PCED1B: variants seen among roughly 807,000 people sequenced by gnomAD.
PCED1B encodes the protein PC-esterase domain containing 1B.
For synonymous variants in PCED1B, 251 were observed against 246.1 expected (o/e 1.02, Z -0.19); for missense variants, 573 against 573.9 (o/e 1.00, Z 0.02).
At chr12:47,136,830 C>T (rs1181609943) in intron 2 of PCED1B, among the ~76,000 whole-genome samples, 3 of 152,076 alleles carry the variant, frequency 2.0e-5, no homozygotes, top group African/African-American at 4.8e-5. Flanking sequence ...TACTAGAAGA[C>T]AAGTCATAGT....
Position 47,191,647 on chromosome 12 carries a change from A to G in PCED1B, c.-525-24575A>G, listed in dbSNP as rs575561869. On this transcript the variant is annotated intron_variant, in intron 2 of 3. Coordinates refer to ENST00000546455, the MANE Select transcript of PCED1B (RefSeq NM_138371.3). ...CATCATCCAGCCTTTGCCCTAAAGC[A>G]GAGGTTTTCAGCCCAGGTTGCAAAA... Among the ~76,000 whole-genome samples the G allele has an allele frequency of 5.9e-5, 9 of 152,324 alleles. No individual in the cohort carries two copies. In the South Asian group the frequency reaches 1.5e-3, roughly 25 times the overall value.
chr12:47,223,706 G>A (rs375645933), intron 3 of PCED1B: 1 of 152,356 alleles, frequency 6.6e-6, no homozygotes, highest in Middle Eastern at 3.4e-3. Context: ...GGTGGGAAGC[G>A]GGGTGAGGAT....
intron 2 of PCED1B, among the ~76,000 whole-genome samples, chr12:47,205,699 G>A (rs544721517): frequency 6.6e-6 from 1 of 151,832 alleles, no homozygotes; most frequent in South Asian, 2.1e-4. Flanking sequence ...TGAATAGGAG[G>A]AAAGAAAGAG....
intron 2 of PCED1B, among the ~76,000 whole-genome samples, chr12:47,153,137 C>G (rs1164006858): frequency 1.3e-5 from 2 of 151,904 alleles, no homozygotes; most frequent in African/African-American, 4.8e-5. Flanking sequence ...ATCACGAGGT[C>G]AGGAGATCAA....
intron 3 of PCED1B, among the ~76,000 whole-genome samples, chr12:47,218,175 G>C (rs759895403): frequency 1.3e-5 from 2 of 152,232 alleles, no homozygotes; most frequent in Non-Finnish European, 2.9e-5. Context: ...GAGGAGAAGA[G>C]AGAAGCGAGA....
chr12:47,139,792 G>A lies in PCED1B; in HGVS notation c.-526+35597G>A, dbSNP rs1940522706. Among the ~76,000 whole-genome samples the A allele has an allele frequency of 2.0e-5, 3 of 152,152 alleles. No individual in the cohort carries two copies. In the South Asian group the frequency reaches 6.2e-4, roughly 32 times the overall value. The stretch of plus-strand genomic sequence containing the variant: ...GATATGTGTGCATATGCTATGGTGT[G>A]TGTGCTATGATGTGGCATGTGTATA... On this transcript the variant is annotated intron_variant, in intron 2 of 3. Coordinates refer to ENST00000546455, the MANE Select transcript of PCED1B (RefSeq NM_138371.3).
intron 1 of PCED1B, among the ~76,000 whole-genome samples, chr12:47,082,393 A>G (rs1218375910): frequency 1.3e-5 from 2 of 152,196 alleles, no homozygotes; most frequent in Non-Finnish European, 2.9e-5. Context: ...CTTAAAAAAA[A>G]GGAGAAGAAA....
At chr12:47,177,509 T>C (rs1420833009) in intron 2 of PCED1B, among the ~76,000 whole-genome samples, 1 of 152,126 alleles carries the variant, frequency 6.6e-6, no homozygotes, top group Non-Finnish European at 1.5e-5. Context: ...TCGTGACTGA[T>C]TAGAGGACAT....
chr12:47,223,496 G>A (rs1943547204), intron 3 of PCED1B: 1 of 152,136 alleles, frequency 6.6e-6, no homozygotes, highest in African/African-American at 2.4e-5. Flanking sequence ...TCCTGGAGGT[G>A]GAGTCAAAGA....
intron 2 of PCED1B, among the ~76,000 whole-genome samples, chr12:47,215,177 C>T (rs1943214063): frequency 6.6e-6 from 1 of 151,478 alleles, no homozygotes; most frequent in Non-Finnish European, 1.5e-5. Context: ...TATTCCTCTC[C>T]CCGAAATCAT....
intron 2 of PCED1B, among the ~76,000 whole-genome samples, chr12:47,107,071 T>A (rs1417055148): frequency 6.6e-6 from 1 of 152,214 alleles, no homozygotes; most frequent in Non-Finnish European, 1.5e-5. Context: ...TCTGATTTTC[T>A]TGGTTAATCT....
intron 2 of PCED1B, among the ~76,000 whole-genome samples, chr12:47,133,104 G>A (rs1327466610): frequency 6.6e-6 from 1 of 152,116 alleles, no homozygotes; most frequent in Non-Finnish European, 1.5e-5. Context: ...ATAAAATGAT[G>A]CAAAGTTAAT....
Position 47,155,756 on chromosome 12 carries a change from T to A in PCED1B, c.-526+51561T>A, listed in dbSNP as rs1941173412. Among the ~76,000 whole-genome samples the A allele has an allele frequency of 2.0e-5, 3 of 152,222 alleles. No homozygotes were observed. The South Asian group carries it at 6.2e-4, about 32-fold the overall frequency. Reference sequence around the variant, plus strand: ...AAAGCTGAGATGCCTTCGGTTACTCTACGGAATTGCTCTTTTTGAAGAAGC... The same window carrying A: ...AAAGCTGAGATGCCTTCGGTTACTCAACGGAATTGCTCTTTTTGAAGAAGC... On this transcript the variant is annotated intron_variant, in intron 2 of 3. Transcript: ENST00000546455.
chr12:47,144,419 A>C (rs1407365566), intron 2 of PCED1B, among the ~76,000 whole-genome samples: 1 of 152,148 alleles, frequency 6.6e-6, no homozygotes, highest in Non-Finnish European at 1.5e-5. Context: ...GTCCATACTA[A>C]TCTCCTTAAC....
chr12:47,167,283 A>G (rs945713238), intron 2 of PCED1B, among the ~76,000 whole-genome samples: 1 of 152,166 alleles, frequency 6.6e-6, no homozygotes, highest in Non-Finnish European at 1.5e-5. Context: ...GGGGTGTAGC[A>G]TATCTTGGTA....
At chr12:47,212,575 C>T (rs573683185) in intron 2 of PCED1B, among the ~76,000 whole-genome samples, 2 of 152,314 alleles carry the variant, frequency 1.3e-5, no homozygotes, top group South Asian at 4.1e-4. Flanking sequence ...TGATTTCTGT[C>T]ATCTCCCCTC....
chr12:47,207,958 G>A (rs537531407), intron 2 of PCED1B, among the ~76,000 whole-genome samples: 1 of 152,146 alleles, frequency 6.6e-6, no homozygotes, highest in African/African-American at 2.4e-5. Flanking sequence ...GGTTAATCAA[G>A]CTCTGTGAAT....
chr12:47,155,931 G>A (rs1372813558), intron 2 of PCED1B, among the ~76,000 whole-genome samples: 1 of 152,148 alleles, frequency 6.6e-6, no homozygotes, highest in Non-Finnish European at 1.5e-5. Flanking sequence ...AAAGTGAAAG[G>A]AGGGGAGAAG....
intron 2 of PCED1B, among the ~76,000 whole-genome samples, chr12:47,204,683 C>T (rs1313584509): frequency 6.6e-6 from 1 of 152,128 alleles, no homozygotes; most frequent in African/African-American, 2.4e-5. Flanking sequence ...CCTTAATCCT[C>T]CACTGCCTAC....
Sources: gnomAD v4.1 joint callset for allele counts (sites outside exome capture counted in the v4.1 genomes callset) on GRCh38, gnomAD v4.1.1 for gene constraint, MANE v1.5 for transcripts, NCBI Gene and HGNC (gene_info 2026-07-23, HGNC 2026-07-21) for gene names.